SORBS3: variants seen among roughly 807,000 people sequenced by gnomAD.
The protein encoded by SORBS3 is sorbin and SH3 domain containing 3, also known as vinexin.
A neutral mutation model predicts 98.0 loss-of-function variants in SORBS3; 69 were observed. That is an observed-to-expected ratio of 0.70 (90% CI 0.58 to 0.86). The LOEUF (loss-of-function observed/expected upper bound fraction) is 0.86. Among genes scored for constraint, SORBS3 ranks in the 40% least tolerant of loss-of-function variants. The pLI, the probability that SORBS3 is intolerant of heterozygous loss-of-function variation, is 0.00. For missense variants in SORBS3, 954 were observed against 908.5 expected (o/e 1.05, Z -0.64); for synonymous variants, 394 against 355.4 (o/e 1.11, Z -1.22).
chr8:22,561,799 C>T (rs1840300959), intron 6 of SORBS3, 66 bp from the exon 7 acceptor site: 4 of 1,408,248 alleles, frequency 2.8e-6, no homozygotes, highest in Non-Finnish European at 3.0e-6. Flanking sequence ...ACCCAGGCAC[C>T]CTCAGCCCCA....
intron 5 of SORBS3, chr8:22,561,107 G>T (rs1840285970): frequency 2.1e-6 from 1 of 473,554 alleles, no homozygotes; most frequent in East Asian, 3.4e-5. Context: ...CTTGGGCAAG[G>T]CGGCTGCCCG....
intron 9 of SORBS3, 35 bp from the exon 10 acceptor site, chr8:22,564,433 T>A (rs1349544965): frequency 1.9e-6 from 3 of 1,614,018 alleles, no homozygotes; most frequent in Middle Eastern, 1.6e-4. Flanking sequence ...GGAAAGTGAG[T>A]TCACCTGCTC....
At chr8:22,572,139 C>T (rs1183545603) in intron 19 of SORBS3, among the ~76,000 whole-genome samples, 6 of 152,098 alleles carry the variant, frequency 3.9e-5, no homozygotes, top group Admixed American at 2.0e-4. Flanking sequence ...TCAGAGGAGG[C>T]GAGGGTTCAG....
rs1387302891 is a variant in SORBS3, at chr8:22,559,305, A to G, written c.478+1113A>G. The stretch of plus-strand genomic sequence containing the variant: ...ACACTGCAGTCACTGGAATTTGCTG[A>G]TGGATTGGACGTGGCTTGGAAGAGA... On this transcript the variant is annotated intron_variant, in intron 5 of 20. Coordinates refer to ENST00000240123, the MANE Select transcript of SORBS3 (RefSeq NM_005775.5). Among the ~76,000 whole-genome samples, 3 of 152,318 alleles carry G rather than the reference A, an allele frequency of 2.0e-5. No homozygotes were observed. The East Asian group carries it at 5.8e-4, about 29-fold the overall frequency.
At chr8:22,552,434 C>T (rs1263212957) in intron 1 of SORBS3, among the ~76,000 whole-genome samples, 2 of 152,224 alleles carry the variant, frequency 1.3e-5, no homozygotes, top group Admixed American at 1.3e-4. Flanking sequence ...CAGATGCTGC[C>T]CTCTTCCTTG....
At chr8:22,572,514 C>A in intron 20 of SORBS3, 68 bp downstream of exon 20, 1 of 1,222,522 alleles carries the variant, frequency 8.2e-7, no homozygotes, top group Non-Finnish European at 1.2e-6. Context: ...CTGTTGCCTG[C>A]CAGTGCTGCT....
intron 1 of SORBS3, among the ~76,000 whole-genome samples, chr8:22,552,613 C>T (rs1407100284): frequency 1.3e-5 from 2 of 152,218 alleles, no homozygotes. Context: ...GACCTCCTGC[C>T]CTACCCATCC....
At chr8:22,549,290 T>C (rs1278484511), upstream of SORBS3, among the ~76,000 whole-genome samples, 1 of 152,176 alleles carries the variant, frequency 6.6e-6, no homozygotes, top group East Asian at 1.9e-4. Flanking sequence ...GAAAGGAATC[T>C]GTTCTGTTGT....
intron 4 of SORBS3, among the ~76,000 whole-genome samples, chr8:22,557,560 C>A (rs142246959): frequency 0.017 from 2,518 of 152,230 alleles, 73 homozygotes; most frequent in East Asian, 0.12. Flanking sequence ...AATCCCAGCA[C>A]TTTGGGAGGT....
chr8:22,562,375 G>C (rs2117248185), intron 7 of SORBS3, among the ~76,000 whole-genome samples: 1 of 152,316 alleles, frequency 6.6e-6, no homozygotes, highest in Middle Eastern at 3.4e-3. Flanking sequence ...CAGCCTGATA[G>C]CACAGAGAGA....
chr8:22,557,943 A>G (rs1291122431), intron 4 of SORBS3, among the ~76,000 whole-genome samples, 186 bp from the exon 5 acceptor site: 2 of 152,252 alleles, frequency 1.3e-5, no homozygotes, highest in Non-Finnish European at 2.9e-5. Context: ...CATATATCTT[A>G]CTTATATAGG....
chr8:22,552,088 A>G, intron 1 of SORBS3, 66 bp downstream of exon 1: 2 of 983,812 alleles, frequency 2.0e-6, no homozygotes, highest in African/African-American at 1.7e-5. Flanking sequence ...GCCCAACCCC[A>G]GGGAATCGCA....
In SORBS3 at chr8:22,561,247, A is replaced by G. The variant is rs1246788945; in HGVS notation, c.479-88A>G. The G allele has an allele frequency of 2.4e-6, 3 of 1,275,752 alleles. No individual in the cohort carries two copies. The East Asian group carries it at 7.3e-5, about 31-fold the overall frequency. The allele number at this position is 1,275,752 out of a possible 1,614,324, so 79.0% of individuals were successfully genotyped here. On this transcript the variant is annotated intron_variant, in intron 5 of 20. Coordinates refer to ENST00000240123, the MANE Select transcript of SORBS3 (RefSeq NM_005775.5). Reference sequence around the variant, plus strand: ...CAGCCCTCAGCCCCCTACTCTAGGGATGTTGGGAGCGGCTGAGGTTGCCTC... The same window carrying G: ...CAGCCCTCAGCCCCCTACTCTAGGGGTGTTGGGAGCGGCTGAGGTTGCCTC...
upstream of SORBS3, chr8:22,551,665 G>C: frequency 1.1e-6 from 1 of 925,452 alleles, no homozygotes; most frequent in Non-Finnish European, 1.3e-6. This position sits in a 1 kb window ranked among gnomAD's most constrained non-coding sequence, Gnocchi z 5.8. Context: ...CGCCGGCCAG[G>C]CCTCCTCGGC....
Position 22,556,919 on chromosome 8 carries a change from G to C in SORBS3, c.414+11G>C, listed in dbSNP as rs1167234514. On this transcript the variant is annotated intron_variant, in intron 4 of 20. Transcript: ENST00000240123. ...ATTGCCCCCCGATCCGTGAGTCCAG[G>C]GCTGGGGGCCACGGAGAGATGGGGC... is the stretch of plus-strand genomic sequence containing the variant. 6.2e-7 allele frequency: 1 copy of C among 1,611,676 alleles called. No individual in the cohort carries two copies. Among genetic ancestry groups the C allele is most frequent in the South Asian group, 1.1e-5 (1 of 91,070 alleles).
upstream of SORBS3, among the ~76,000 whole-genome samples, chr8:22,547,477 A>T (rs182274495): frequency 6.6e-6 from 1 of 152,372 alleles, no homozygotes; most frequent in Admixed American, 6.5e-5. Context: ...AGGTGGGAAG[A>T]CAAGGTTCTT....
chr8:22,566,700 G>A lies in SORBS3; in HGVS notation c.1130G>A (p.Arg377Lys), dbSNP rs765506709. 4 of 1,612,420 alleles carry A rather than the reference G, an allele frequency of 2.5e-6. No homozygotes were observed. In the South Asian group the frequency reaches 4.4e-5, roughly 18 times the overall value. The change falls in exon 14 of 21, where the codon AGG (arginine) becomes AAG (lysine). Residue 377 changes from arginine (R) to lysine (K), a missense_variant. Transcript: ENST00000240123. ...ASNGGGSPAR[R>K]EEKKRKAARL... is the part of the protein sequence containing the mutation. ...AACGGAGGGGGCAGCCCAGCCAGGA[G>A]GGAAGAGAAGAAGGTAAGGAGGGGA...
chr8:22,548,768 G>T (rs1319609792), upstream of SORBS3, among the ~76,000 whole-genome samples: 1 of 152,118 alleles, frequency 6.6e-6, no homozygotes, highest in East Asian at 1.9e-4. Flanking sequence ...TGTCTTCTGG[G>T]ACCCCTGGCT....
intron 19 of SORBS3, 47 bp downstream of exon 19, chr8:22,571,868 G>A: frequency 7.5e-7 from 1 of 1,330,246 alleles, no homozygotes; most frequent in Non-Finnish European, 1.1e-6. Context: ...GGGGGTCACT[G>A]GCAGGCAATG....
Sources: gnomAD v4.1 joint callset for allele counts (sites outside exome capture counted in the v4.1 genomes callset) on GRCh38, gnomAD v4.1.1 for gene constraint, Gnocchi (gnomAD v3.1) non-coding constraint, MANE v1.5 for transcripts, NCBI Gene and HGNC (gene_info 2026-07-23, HGNC 2026-07-21) for gene names.